Variants in HECTD2 observed in about 807,000 individuals in gnomAD.
HECTD2 encodes the protein probable E3 ubiquitin-protein ligase HECTD2.
In HECTD2, 35 loss-of-function variants were observed where a neutral mutation model predicts 103.2. That is an observed-to-expected ratio of 0.34 (90% CI 0.26 to 0.45). HECTD2 has a LOEUF of 0.45. Among genes scored for constraint, HECTD2 ranks in the 20% least tolerant of loss-of-function variants. The probability of loss-of-function intolerance (pLI) is 1.00; values close to 1 mark genes in which losing one functional copy is unlikely to be tolerated. For synonymous variants in HECTD2, 281 were observed against 329.9 expected, an observed-to-expected ratio of 0.85 and a Z score of 1.61; for missense variants, 596 against 937.4, an observed-to-expected ratio of 0.64 and a Z score of 4.76.
chr10:91,474,598 G>A (rs1029837551), intron 5 of HECTD2, among the ~76,000 whole-genome samples: 1 of 152,144 alleles, frequency 6.6e-6, no homozygotes, highest in Non-Finnish European at 1.5e-5. Context: ...TTCAACTTAA[G>A]TATGCAAAGA....
chr10:91,509,624 C>T (rs914117890), intron 20 of HECTD2, among the ~76,000 whole-genome samples: 5 of 152,058 alleles, frequency 3.3e-5, no homozygotes, highest in African/African-American at 1.2e-4. Context: ...ATGTCCTTTG[C>T]AGCAACATGG....
At position 91,420,629 on chromosome 10, in the gene HECTD2, A is replaced by C. The variant is rs187232311; in HGVS notation, c.139-4652A>C. On this transcript the variant is annotated intron_variant, in intron 1 of 20. Coordinates refer to ENST00000298068, the MANE Select transcript of HECTD2 (RefSeq NM_182765.6). ...AAGAAAAAAAGAAAATCAGTCTACT[A>C]TGCCTCCTTTTGGCAAAAGAGAATT... Among the ~76,000 whole-genome samples the C allele has an allele frequency of 1.2e-4, 19 of 152,240 alleles. No individual in the cohort carries two copies. In the East Asian group the frequency reaches 3.7e-3, roughly 29 times the overall value.
At chr10:91,433,997 A>T (rs1016402617) in intron 2 of HECTD2, among the ~76,000 whole-genome samples, 2 of 151,996 alleles carry the variant, frequency 1.3e-5, no homozygotes, top group African/African-American at 2.4e-5. Flanking sequence ...AAATATTTCT[A>T]TAACTAGGCT....
chr10:91,471,267 A>G (rs781644448), intron 5 of HECTD2, among the ~76,000 whole-genome samples: 2 of 152,208 alleles, frequency 1.3e-5, no homozygotes, highest in Non-Finnish European at 2.9e-5. Flanking sequence ...GATAAAATTC[A>G]GCTTCCCTGC....
chr10:91,462,382 C>T, intron 5 of HECTD2, 198 bp downstream of exon 5: 1 of 1,150,858 alleles, frequency 8.7e-7, no homozygotes, highest in Admixed American at 4.1e-5. Context: ...GCAGCAAATA[C>T]TTTTATATCC....
chr10:91,445,002 A>C (rs1022590920), intron 2 of HECTD2, among the ~76,000 whole-genome samples: 4 of 152,194 alleles, frequency 2.6e-5, no homozygotes, highest in African/African-American at 9.6e-5. Flanking sequence ...AGCCAATGTA[A>C]GAAGAATAAG....
At chr10:91,506,737 C>G (rs562021643) in intron 20 of HECTD2, among the ~76,000 whole-genome samples, 92 of 152,034 alleles carry the variant, frequency 6.1e-4, no homozygotes, top group East Asian at 2.5e-3. Context: ...CTATTCCAAT[C>G]AATAGAAAAA....
intron 1 of HECTD2, among the ~76,000 whole-genome samples, chr10:91,411,759 G>C (rs1022068054): frequency 3.9e-5 from 6 of 152,220 alleles, no homozygotes; most frequent in African/African-American, 1.4e-4. Flanking sequence ...GTAGATTGGA[G>C]CTGGGGTTAG....
At chr10:91,436,770 T>G (rs1844136782) in intron 2 of HECTD2, among the ~76,000 whole-genome samples, 1 of 152,084 alleles carries the variant, frequency 6.6e-6, no homozygotes, top group Non-Finnish European at 1.5e-5. Context: ...TTCTGCAGTA[T>G]AAATCAGTTA....
chr10:91,431,136 G>T (rs368758745), intron 2 of HECTD2, among the ~76,000 whole-genome samples: 12 of 151,314 alleles, frequency 7.9e-5, no homozygotes, highest in East Asian at 3.9e-4. Context: ...CCTTCACTTA[G>T]GAAGCTTAGT....
At chr10:91,452,507 T>C (rs1432941998) in intron 2 of HECTD2, among the ~76,000 whole-genome samples, 1 of 152,104 alleles carries the variant, frequency 6.6e-6, no homozygotes, top group African/African-American at 2.4e-5. Context: ...TAAGAGGTAA[T>C]TGAGTCATGA....
chr10:91,491,719 T>G (rs1846486623), intron 12 of HECTD2, among the ~76,000 whole-genome samples: 1 of 152,184 alleles, frequency 6.6e-6, no homozygotes, highest in African/African-American at 2.4e-5. Context: ...CAGGGTATAT[T>G]GGGTCTATAC....
chr10:91,498,234 C>T lies in HECTD2; in HGVS notation c.1755+52C>T, dbSNP rs1229308340. On this transcript the variant is annotated intron_variant, in intron 16 of 20. Transcript: ENST00000298068. The stretch of plus-strand genomic sequence containing the variant: ...GTTAATCATATATTTCATATATGAA[C>T]AGTGCAATTTGTTATTAAATACCCA... The T allele has an allele frequency of 4.9e-6, 6 of 1,214,880 alleles. No homozygotes were observed. The South Asian group carries it at 7.4e-5, about 15-fold the overall frequency. The allele number at this position is 1,214,880 out of a possible 1,614,324, so 75.3% of individuals were successfully genotyped here.
At chr10:91,496,404 T>C in intron 15 of HECTD2, 32 bp downstream of exon 15, 1 of 1,506,860 alleles carries the variant, frequency 6.6e-7, no homozygotes, top group Non-Finnish European at 9.1e-7. Context: ...TCTTGTCCTT[T>C]AATGCGAAAT....
At position 91,512,173 on chromosome 10, in the gene HECTD2, A is replaced by G. The variant is rs76608596; in HGVS notation, c.2211-91A>G. On this transcript the variant is annotated intron_variant, in intron 20 of 20. Coordinates refer to ENST00000298068, the MANE Select transcript of HECTD2 (RefSeq NM_182765.6). ...TCTTAACAGAGTGAAATAGATTTGA[A>G]TGTGTGTGTCCTGGTATTTTTTAAA... is the stretch of plus-strand genomic sequence containing the variant. 15 of 1,317,226 alleles carry G rather than the reference A, an allele frequency of 1.1e-5. No individual in the cohort carries two copies. The East Asian group carries it at 1.8e-4, about 16-fold the overall frequency. The allele number at this position is 1,317,226 out of a possible 1,614,324, so 81.6% of individuals were successfully genotyped here. A position where few individuals can be genotyped will look rare whatever the true frequency, so the allele number is the denominator to read the frequency against.
intron 2 of HECTD2, among the ~76,000 whole-genome samples, chr10:91,430,456 T>C (rs1376283144): frequency 6.6e-6 from 1 of 152,178 alleles, no homozygotes; most frequent in East Asian, 1.9e-4. Flanking sequence ...GTTTCGTTGA[T>C]CTGTCTAATG....
intron 11 of HECTD2, among the ~76,000 whole-genome samples, chr10:91,490,916 A>G (rs1846452886): frequency 6.6e-6 from 1 of 150,586 alleles, no homozygotes; most frequent in East Asian, 1.9e-4. Flanking sequence ...AAAAAAAAAA[A>G]AAAGAGATGA....
At chr10:91,459,958 G>A (rs1243726211) in intron 2 of HECTD2, among the ~76,000 whole-genome samples, 1 of 152,112 alleles carries the variant, frequency 6.6e-6, no homozygotes, top group African/African-American at 2.4e-5. Context: ...GTTTGTGTAA[G>A]TACATTGTAT....
intron 2 of HECTD2, among the ~76,000 whole-genome samples, chr10:91,430,797 G>A (rs1843825497): frequency 6.6e-6 from 1 of 152,004 alleles, no homozygotes; most frequent in Admixed American, 6.5e-5. Flanking sequence ...TGGGTTTCCT[G>A]AATACAGTAC....
Sources: allele counts gnomAD v4.1 joint callset (sites outside exome capture counted in the v4.1 genomes callset), GRCh38; gene constraint gnomAD v4.1.1; transcripts MANE v1.5; gene names NCBI Gene and HGNC (gene_info 2026-07-23, HGNC 2026-07-21).